The following RPA1 variants were observed in gnomAD, a reference collection of about 807,000 sequenced individuals.
RPA1 encodes the protein replication protein A1, also known as replication protein A 70 kDa DNA-binding subunit.
In RPA1, 49 loss-of-function variants were observed where a neutral mutation model predicts 83.0. The observed-to-expected ratio is 0.59, with a 90% CI of 0.47 to 0.75. The LOEUF (loss-of-function observed/expected upper bound fraction) is 0.75, where lower values mean the gene tolerates loss of function less well. Ranked by LOEUF, RPA1 falls within the 30% of genes least tolerant of loss-of-function variation. The probability of loss-of-function intolerance (pLI) is 0.00; values close to 1 mark genes in which losing one functional copy is unlikely to be tolerated. For synonymous variants in RPA1, 279 were observed against 281.8 expected (o/e 0.99, Z 0.10); for missense variants, 693 against 776.1 (o/e 0.89, Z 1.27).
At chr17:1,868,308 C>T (rs1298738431) in intron 5 of RPA1, among the ~76,000 whole-genome samples, 2 of 152,144 alleles carry the variant, frequency 1.3e-5, no homozygotes. Context: ...GGCATTTCAC[C>T]GCAGTGCTTT....
chr17:1,886,158 G>A lies in RPA1; in HGVS notation c.1374+2214G>A, dbSNP rs112783635. On this transcript the variant is annotated intron_variant, in intron 13 of 16. Coordinates refer to ENST00000254719, the MANE Select transcript of RPA1 (RefSeq NM_002945.5). ...TACTGTGTGTCTCCATTGAGCTCTC[G>A]GGTGAACAGGTGCATTGTCAATGAG... Among the ~76,000 whole-genome samples the A allele has an allele frequency of 3.9e-3, 594 of 151,610 alleles. 1 individual carries two copies. The highest frequency in any genetic ancestry group is 0.012 in the African/African-American group (504 of 41,172).
chr17:1,880,867 G>A (rs1359794478), intron 12 of RPA1, among the ~76,000 whole-genome samples, 176 bp downstream of exon 12: 3 of 152,162 alleles, frequency 2.0e-5, no homozygotes, highest in East Asian at 1.9e-4. Context: ...GCCCTTAAAC[G>A]GACAAACCTG....
chr17:1,845,092 A>G (rs17291839), intron 4 of RPA1, among the ~76,000 whole-genome samples: 1,663 of 152,088 alleles, frequency 0.011, 36 homozygotes, highest in African/African-American at 0.037. Flanking sequence ...CCCGGCCTCA[A>G]AAGTATCTTT....
chr17:1,850,039 G>C (rs1219758257), intron 4 of RPA1, among the ~76,000 whole-genome samples: 12 of 151,838 alleles, frequency 7.9e-5, no homozygotes, highest in Admixed American at 7.9e-4. Flanking sequence ...AGGCGTGGTG[G>C]CACATGCCTA....
intron 11 of RPA1, 71 bp from the exon 12 acceptor site, chr17:1,880,472 T>C: frequency 1.3e-6 from 2 of 1,537,858 alleles, no homozygotes; most frequent in South Asian, 2.3e-5. Context: ...ATGTTTGCCT[T>C]GTTTTCTATA....
chr17:1,877,955 G>C (rs1913631709), intron 8 of RPA1, among the ~76,000 whole-genome samples: 1 of 152,228 alleles, frequency 6.6e-6, no homozygotes, highest in Non-Finnish European at 1.5e-5. Context: ...AAATTGCCGG[G>C]TGTGGTGGCT....
Position 1,899,844 on chromosome 17 carries a change from C to A in RPA1, c.*2669C>A, listed in dbSNP as rs1301917367. 1 of 152,120 alleles carries A rather than the reference C, an allele frequency of 6.6e-6. No individual in the cohort carries two copies. Among genetic ancestry groups the A allele is most frequent in the Non-Finnish European group, 1.5e-5 (1 of 68,024 alleles). 9.4% of individuals were successfully genotyped at this position (152,120 alleles called of 1,614,324 possible). ...GTTTGGTCTCCTTTTCTTCTTTTCACCTGTTAGAAGGCCACTATTCCCCTA... is the reference window on the plus strand; with the variant it reads ...GTTTGGTCTCCTTTTCTTCTTTTCAACTGTTAGAAGGCCACTATTCCCCTA... On this transcript the variant is annotated 3_prime_UTR_variant, in exon 17 of 17. Transcript: ENST00000254719.
rs1914499386 is a variant in RPA1 at position 1,897,768 on chromosome 17, A to G, written c.*593A>G. 1.3e-5 allele frequency: 2 copies of G among 153,830 alleles called. No homozygotes were observed. The highest frequency in any genetic ancestry group is 6.4e-5 in the Admixed American group (1 of 15,544). 9.5% of individuals were successfully genotyped at this position (153,830 alleles called of 1,614,324 possible). ...TATATCTGAAGAGTATCCTTCCTTC[A>G]GGGTTTAATAGACTGAGTCAGATGG... is the stretch of plus-strand genomic sequence containing the variant. On this transcript the variant is annotated 3_prime_UTR_variant, in exon 17 of 17. Coordinates refer to ENST00000254719, the MANE Select transcript of RPA1 (RefSeq NM_002945.5).
chr17:1,894,949 T>A, intron 15 of RPA1, 60 bp from the exon 16 acceptor site: 1 of 1,355,396 alleles, frequency 7.4e-7, no homozygotes, highest in Non-Finnish European at 1.0e-6. Context: ...AAAAGTCTTA[T>A]CAGTATTTGC....
intron 4 of RPA1, among the ~76,000 whole-genome samples, chr17:1,850,572 T>C (rs1053892494): frequency 2.7e-5 from 4 of 149,886 alleles, no homozygotes; most frequent in African/African-American, 9.9e-5. Flanking sequence ...ATTCAACTCT[T>C]GTTTCATTCT....
At chr17:1,837,122 C>T (rs1316655730) in intron 1 of RPA1, among the ~76,000 whole-genome samples, 1 of 152,096 alleles carries the variant, frequency 6.6e-6, no homozygotes, top group East Asian at 1.9e-4. Context: ...AGGTGTGAGC[C>T]ACCACGCCCG....
At chr17:1,844,089 G>C (rs55877872) in intron 3 of RPA1, 91 bp downstream of exon 3, 7 of 1,069,040 alleles carry the variant, frequency 6.5e-6, no homozygotes, top group African/African-American at 3.1e-5. Flanking sequence ...GGGGGCATTC[G>C]TGAAGTCCGT....
Position 1,891,821 on chromosome 17 carries a change from T to C in RPA1, c.1552-12T>C. On this transcript the variant is annotated splice_polypyrimidine_tract_variant and intron_variant, in intron 14 of 16. Coordinates refer to ENST00000254719, the MANE Select transcript of RPA1 (RefSeq NM_002945.5). ...TTTCTTTGCTGAAATAATGTAGAAT[T>C]GTGTTTTTTAGGTAAATATTGCAGA... 6.6e-7 allele frequency: 1 copy of C among 1,504,476 alleles called. No homozygotes were observed. The highest frequency in any genetic ancestry group is 9.2e-7 in the Non-Finnish European group (1 of 1,088,556). 93.2% of individuals were successfully genotyped at this position (1,504,476 alleles called of 1,614,324 possible).
intron 1 of RPA1, among the ~76,000 whole-genome samples, chr17:1,838,076 G>A (rs1911889727): frequency 6.6e-6 from 1 of 152,094 alleles, no homozygotes; most frequent in African/African-American, 2.4e-5. Flanking sequence ...CGGATCACCT[G>A]AGGTCGAGAG....
At chr17:1,852,853 C>T (rs549385320) in intron 4 of RPA1, among the ~76,000 whole-genome samples, 31 of 152,244 alleles carry the variant, frequency 2.0e-4, no homozygotes, top group African/African-American at 6.5e-4. Flanking sequence ...CTTACCATGT[C>T]GGTTGGCTCC....
chr17:1,894,216 G>GAGTGCAGT (rs1379447356), intron 15 of RPA1, among the ~76,000 whole-genome samples: 1 of 151,602 alleles, frequency 6.6e-6, no homozygotes, highest in Non-Finnish European at 1.5e-5. Flanking sequence ...GCCCATGCTG[G>GAGTGCAGT]AGTGCAGTAG....
At chr17:1,837,939 TGTG>T (rs1911885394) in intron 1 of RPA1, among the ~76,000 whole-genome samples, 1 of 152,330 alleles carries the variant, frequency 6.6e-6, no homozygotes, top group East Asian at 1.9e-4. Flanking sequence ...GTTATCAGGT[TGTG>T]TTTTTTTGTT....
chr17:1,849,683 G>A (rs1423394466), intron 4 of RPA1, among the ~76,000 whole-genome samples: 1 of 151,082 alleles, frequency 6.6e-6, no homozygotes, highest in Admixed American at 6.6e-5. Flanking sequence ...CGATGGTAAT[G>A]TCAGCAGTTG....
chr17:1,862,942 T>C (rs1013054407), intron 5 of RPA1, among the ~76,000 whole-genome samples: 12 of 151,906 alleles, frequency 7.9e-5, no homozygotes, highest in African/African-American at 2.9e-4. Flanking sequence ...AGTCTCGAAC[T>C]GCTGACCTCA....
Sources: gnomAD v4.1 joint callset for allele counts (sites outside exome capture counted in the v4.1 genomes callset) on GRCh38, gnomAD v4.1.1 for gene constraint, MANE v1.5 for transcripts, NCBI Gene and HGNC (gene_info 2026-07-23, HGNC 2026-07-21) for gene names.